CRIM1: variants seen among roughly 807,000 people sequenced by gnomAD.
The protein encoded by CRIM1 is cysteine rich transmembrane BMP regulator 1, also known as cysteine-rich motor neuron 1 protein.
CRIM1 carries 32 observed loss-of-function variants against 116.4 expected under a neutral mutation model. The ratio of observed to expected loss-of-function variants is 0.27; its 90% CI spans 0.21 to 0.37. CRIM1 has a LOEUF of 0.37. CRIM1 is among the 10% of genes least tolerant of loss of function. The pLI is 1.00. For missense variants in CRIM1, 1,331 were observed against 1,354.8 expected (o/e 0.98, Z 0.28); for synonymous variants, 590 against 509.2 (o/e 1.16, Z -2.13).
chr2:36,378,712 G>T, intron 1 of CRIM1: 2 of 154,806 alleles, frequency 1.3e-5, no homozygotes, highest in Non-Finnish European at 2.9e-5. Context: ...TCTGACCTCA[G>T]TCATTTTCAA....
chr2:36,533,425 C>CAA (rs35978594), intron 13 of CRIM1, among the ~76,000 whole-genome samples: 57 of 99,384 alleles, frequency 5.7e-4, no homozygotes, highest in African/African-American at 7.7e-4. Flanking sequence ...CCCATCTCCA[C>CAA]AAAAAAAAAA....
chr2:36,384,379 C>T (rs183294144), intron 1 of CRIM1, among the ~76,000 whole-genome samples: 69 of 152,306 alleles, frequency 4.5e-4, no homozygotes, highest in African/African-American at 1.6e-3. Flanking sequence ...CAGGAGAGTG[C>T]CATCATAGAT....
At chr2:36,375,278 A>G (rs780317197) in intron 1 of CRIM1, among the ~76,000 whole-genome samples, 1 of 152,196 alleles carries the variant, frequency 6.6e-6, no homozygotes, top group Non-Finnish European at 1.5e-5. Context: ...GATCATTATC[A>G]GGATTAAGTT....
rs147852269 is a variant in CRIM1 at position 36,455,528 on chromosome 2, A to G, written c.870-9006A>G. Among the ~76,000 whole-genome samples, 232 of 152,332 alleles carry G rather than the reference A, an allele frequency of 1.5e-3. 1 individual carries two copies. Among genetic ancestry groups the G allele is most frequent in the South Asian group, 0.013 (61 of 4,828 alleles). On this transcript the variant is annotated intron_variant, in intron 4 of 16. Transcript: ENST00000280527. ...TGAACCTAAGACTGTGTTGTTGCCA[A>G]AGTGCATTCCCCAAACCTCTGCCCT...
At chr2:36,432,569 C>G (rs1674979615) in intron 2 of CRIM1, among the ~76,000 whole-genome samples, 1 of 152,186 alleles carries the variant, frequency 6.6e-6, no homozygotes, top group Non-Finnish European at 1.5e-5. Flanking sequence ...ACCCCACTAC[C>G]TCCCATAAAA....
rs114819466 is a variant in CRIM1 at position 36,469,694 on chromosome 2, T to C, written c.991+5039T>C. Among the ~76,000 whole-genome samples the C allele has an allele frequency of 2.5e-3, 377 of 152,312 alleles. 2 individuals carry two copies. Among genetic ancestry groups the C allele is most frequent in the African/African-American group, 8.6e-3 (357 of 41,570 alleles). Reference sequence around the variant, plus strand: ...AAACATTAAGAACCCACTGTCTATATAGCAATTATGCTCATAATGTTTCTA... The same window carrying C: ...AAACATTAAGAACCCACTGTCTATACAGCAATTATGCTCATAATGTTTCTA... On this transcript the variant is annotated intron_variant, in intron 5 of 16. Coordinates refer to ENST00000280527, the MANE Select transcript of CRIM1 (RefSeq NM_016441.3).
intron 5 of CRIM1, among the ~76,000 whole-genome samples, chr2:36,465,202 C>T (rs1221710456): frequency 6.6e-6 from 1 of 152,170 alleles, no homozygotes; most frequent in Admixed American, 6.5e-5. Flanking sequence ...GCTTGACCCA[C>T]GTGGCCCTGA....
At chr2:36,452,839 C>T (rs548769612) in intron 4 of CRIM1, among the ~76,000 whole-genome samples, 2 of 152,132 alleles carry the variant, frequency 1.3e-5, no homozygotes, top group East Asian at 1.9e-4. Context: ...TGTGGCCCTC[C>T]GAGTCGGACT....
chr2:36,436,566 T>TA (rs1675328381), intron 2 of CRIM1, among the ~76,000 whole-genome samples: 1 of 152,162 alleles, frequency 6.6e-6, no homozygotes, highest in African/African-American at 2.4e-5. Context: ...GGAAATCAGG[T>TA]AAAAAATGGG....
At chr2:36,371,386 T>G (rs1342528065) in intron 1 of CRIM1, among the ~76,000 whole-genome samples, 1 of 152,198 alleles carries the variant, frequency 6.6e-6, no homozygotes, top group African/African-American at 2.4e-5. Context: ...CAGGATTGTG[T>G]GTTATTCTAG....
chr2:36,532,221 T>C (rs767658879), intron 13 of CRIM1, among the ~76,000 whole-genome samples: 2 of 152,184 alleles, frequency 1.3e-5, no homozygotes, highest in African/African-American at 4.8e-5. Context: ...GGCAGTACCA[T>C]TGGAAGAGTT....
chr2:36,511,472 C>T (rs1664673838), intron 9 of CRIM1, among the ~76,000 whole-genome samples: 1 of 152,166 alleles, frequency 6.6e-6, no homozygotes, highest in Admixed American at 6.5e-5. Flanking sequence ...AGTATTATGT[C>T]TTAGCCTAAC....
Position 36,356,409 on chromosome 2 carries a change from C to T in CRIM1, c.117C>T (p.Pro39=), listed in dbSNP as rs781069351. 2.7e-5 allele frequency: 43 copies of T among 1,609,220 alleles called. No homozygotes were observed. The highest frequency in any genetic ancestry group is 4.0e-5 in the African/African-American group (3 of 74,856). The change falls in exon 1 of 17, where the codon CCC becomes CCT. Residue 39 remains proline (P), a synonymous_variant. Coordinates refer to ENST00000280527, the MANE Select transcript of CRIM1 (RefSeq NM_016441.3). This position sits in a 1 kb window ranked among gnomAD's most constrained non-coding sequence, Gnocchi z 4.3. ...GCACCCGGGCGCTGGTCTGCCTGCC[C>T]TGTGACGAGTCCAAGTGCGAGGAGC... ...RSGTRALVCL[P]CDESKCEEPR...
At chr2:36,530,305 G>C (rs1169048801) in intron 13 of CRIM1, among the ~76,000 whole-genome samples, 5 of 152,096 alleles carry the variant, frequency 3.3e-5, no homozygotes, top group Non-Finnish European at 7.3e-5. Flanking sequence ...TTCTGTCTAT[G>C]AGTTCTTAGT....
At chr2:36,428,360 C>G (rs925562178) in intron 2 of CRIM1, among the ~76,000 whole-genome samples, 14 of 152,338 alleles carry the variant, frequency 9.2e-5, no homozygotes, top group Non-Finnish European at 8.8e-5. Flanking sequence ...GTCTTGTAGA[C>G]AGAATCATTC....
At chr2:36,509,155 A>G (rs992553639) in intron 8 of CRIM1, among the ~76,000 whole-genome samples, 1 of 152,202 alleles carries the variant, frequency 6.6e-6, no homozygotes, top group African/African-American at 2.4e-5. Flanking sequence ...CTTATGCTGC[A>G]TACAATATGC....
At chr2:36,531,728 C>T in intron 13 of CRIM1, 1 of 335,524 alleles carries the variant, frequency 3.0e-6, no homozygotes, top group South Asian at 2.4e-5. Flanking sequence ...GCTTCTTCCT[C>T]CTCTTGTGAT....
chr2:36,471,482 A>G (rs971676841), intron 5 of CRIM1, among the ~76,000 whole-genome samples: 3 of 152,214 alleles, frequency 2.0e-5, no homozygotes, highest in African/African-American at 4.8e-5. Context: ...CATCAAGGCA[A>G]TACCCTCCAC....
chr2:36,489,930 T>C (rs930534636), intron 7 of CRIM1, among the ~76,000 whole-genome samples: 2 of 152,148 alleles, frequency 1.3e-5, no homozygotes, highest in Admixed American at 6.5e-5. Flanking sequence ...AACAATGATA[T>C]CAGACTGCTA....
Sources: gnomAD v4.1 joint callset for allele counts (sites outside exome capture counted in the v4.1 genomes callset) on GRCh38, gnomAD v4.1.1 for gene constraint, Gnocchi (gnomAD v3.1) non-coding constraint, MANE v1.5 for transcripts, NCBI Gene and HGNC (gene_info 2026-07-23, HGNC 2026-07-21) for gene names.